The following ACBD6 variants were observed in gnomAD, a reference collection of about 807,000 sequenced individuals.
ACBD6 encodes the protein acyl-CoA-binding domain-containing protein 6.
A neutral mutation model predicts 37.2 loss-of-function variants in ACBD6; 28 were observed. The ratio of observed to expected loss-of-function variants is 0.75; its 90% CI spans 0.56 to 1.03. The LOEUF (loss-of-function observed/expected upper bound fraction) is 1.03. Among genes scored for constraint, ACBD6 ranks in the 50% least tolerant of loss-of-function variants. ACBD6 has a pLI of 0.00. For synonymous variants in ACBD6, 113 were observed against 126.8 expected (o/e 0.89, Z 0.73); for missense variants, 340 against 337.4 (o/e 1.01, Z -0.06).
exon 14 of ACBD6, chr1:180,270,879 CACCCCT>C: frequency 4.5e-5 from 9 of 199,654 alleles, no homozygotes; most frequent in South Asian, 1.5e-4. Flanking sequence ...TGTGCAAGCT[CACCCCT>C]GGCTGTGAGC....
intron 1 of ACBD6, among the ~76,000 whole-genome samples, chr1:180,500,380 C>G (rs1651912963): frequency 6.6e-6 from 1 of 152,104 alleles, no homozygotes. Context: ...CTAGACTCCT[C>G]AAGTACTTTA....
chr1:180,443,463 A>G (rs1236642455), intron 3 of ACBD6, among the ~76,000 whole-genome samples: 2 of 152,202 alleles, frequency 1.3e-5, no homozygotes, highest in Middle Eastern at 3.2e-3. Context: ...GGAACTGTCA[A>G]TATAGGATCA....
At position 180,372,447 on chromosome 1, in the gene ACBD6, C is replaced by T. The variant is rs1380834695; in HGVS notation, c.663+25069G>A. On this transcript the variant is annotated intron_variant, in intron 6 of 7. Transcript: ENST00000367595. Reference sequence around the variant, plus strand: ...ATTGTTACACCTAAAAGACTTAATGCTAATTCCATGAAATTAATGTTACAT... The same window carrying T: ...ATTGTTACACCTAAAAGACTTAATGTTAATTCCATGAAATTAATGTTACAT... Among the ~76,000 whole-genome samples, 4 of 152,054 alleles carry T rather than the reference C, an allele frequency of 2.6e-5. No individual in the cohort carries two copies. The South Asian group carries it at 6.2e-4, about 24-fold the overall frequency.
At chr1:180,453,473 T>C (rs1204490579) in intron 3 of ACBD6, among the ~76,000 whole-genome samples, 2 of 152,212 alleles carry the variant, frequency 1.3e-5, no homozygotes, top group African/African-American at 2.4e-5. Context: ...AGCATTCCCT[T>C]TGAAAACTGG....
intron 3 of ACBD6, among the ~76,000 whole-genome samples, chr1:180,447,594 G>T (rs1375801229): frequency 2.0e-5 from 3 of 151,982 alleles, no homozygotes; most frequent in Non-Finnish European, 4.4e-5. Flanking sequence ...TTTTAAAATG[G>T]CTATCATGGA....
intron 3 of ACBD6, among the ~76,000 whole-genome samples, chr1:180,448,952 G>T (rs1649586851): frequency 6.6e-6 from 1 of 152,102 alleles, no homozygotes; most frequent in Non-Finnish European, 1.5e-5. Context: ...ATTCTGTTAA[G>T]GAAGGAGGAC....
intron 3 of ACBD6, among the ~76,000 whole-genome samples, chr1:180,450,914 C>T (rs948261142): frequency 7.2e-5 from 11 of 152,170 alleles, no homozygotes; most frequent in Non-Finnish European, 7.4e-5. Context: ...TAAAAAGAAG[C>T]TTCTAACAAC....
chr1:180,372,473 G>A (rs74132478), intron 6 of ACBD6, among the ~76,000 whole-genome samples: 6,555 of 152,064 alleles, frequency 0.043, 450 homozygotes, highest in African/African-American at 0.14. Context: ...AATGTTACAT[G>A]GTCCTCTTAA....
intron 3 of ACBD6, among the ~76,000 whole-genome samples, chr1:180,480,721 G>A (rs1650998198): frequency 6.6e-6 from 1 of 152,130 alleles, no homozygotes; most frequent in African/African-American, 2.4e-5. Flanking sequence ...AAAAAAATCA[G>A]AAGATGTCAC....
chr1:180,437,971 C>A (rs1365946260), intron 3 of ACBD6, among the ~76,000 whole-genome samples: 1 of 152,144 alleles, frequency 6.6e-6, no homozygotes, highest in Admixed American at 6.5e-5. Context: ...CCCTGGGCTG[C>A]AGGCCAGTAG....
In ACBD6 at chr1:180,373,146, T is replaced by C. The variant is rs115000463; in HGVS notation, c.663+24370A>G. 3.6e-3 allele frequency among the ~76,000 whole-genome samples: 545 copies of C among 152,324 alleles called. 4 individuals are homozygous for C. Among genetic ancestry groups the C allele is most frequent in the South Asian group, 9.7e-3 (47 of 4,826 alleles). Reference sequence around the variant, plus strand: ...AATGTACAAGAAGTATTTTGAAATATTGCTCATCTAGAAACATCATTCAGA... The same window carrying C: ...AATGTACAAGAAGTATTTTGAAATACTGCTCATCTAGAAACATCATTCAGA... On this transcript the variant is annotated intron_variant, in intron 6 of 7. Transcript: ENST00000367595.
intron 4 of ACBD6, among the ~76,000 whole-genome samples, chr1:180,415,085 A>T (rs555218670): frequency 2.1e-5 from 3 of 140,740 alleles, no homozygotes; most frequent in African/African-American, 3.0e-5. Flanking sequence ...TCAAAAAAAT[A>T]AAAAAAACAA....
intron 6 of ACBD6, among the ~76,000 whole-genome samples, chr1:180,332,685 T>C (rs1276898112): frequency 1.3e-5 from 2 of 152,086 alleles, no homozygotes; most frequent in African/African-American, 4.8e-5. Flanking sequence ...TATAGTGAGT[T>C]GTATAATTAT....
At chr1:180,300,086 G>A (rs1043472406) in intron 7 of ACBD6, among the ~76,000 whole-genome samples, 2 of 152,140 alleles carry the variant, frequency 1.3e-5, no homozygotes, top group African/African-American at 4.8e-5. Context: ...GATGGAGTTT[G>A]ACAACTGCTA....
intron 4 of ACBD6, among the ~76,000 whole-genome samples, chr1:180,416,130 C>T (rs1316046198): frequency 6.6e-6 from 1 of 152,098 alleles, no homozygotes; most frequent in Admixed American, 6.6e-5. Flanking sequence ...TTAAATACAG[C>T]TATCCAATCC....
chr1:180,288,096 C>T (rs1649562353), downstream of ACBD6: 2 of 405,346 alleles, frequency 4.9e-6, no homozygotes, highest in South Asian at 5.4e-5. Context: ...CTTCTGCCCA[C>T]CCTCTAAAGC....
chr1:180,372,880 T>C (rs532239879), intron 6 of ACBD6, among the ~76,000 whole-genome samples: 8 of 152,210 alleles, frequency 5.3e-5, no homozygotes, highest in Non-Finnish European at 8.8e-5. Context: ...TCTGTCACTA[T>C]AAGCTACTTG....
chr1:180,374,768 CTT>C (rs769127713), intron 6 of ACBD6, among the ~76,000 whole-genome samples: 11 of 152,168 alleles, frequency 7.2e-5, no homozygotes, highest in South Asian at 4.1e-4. Context: ...TAGACAATGA[CTT>C]AACATCATAT....
intron 3 of ACBD6, among the ~76,000 whole-genome samples, chr1:180,477,247 C>T (rs902083495): frequency 6.6e-5 from 10 of 152,166 alleles, no homozygotes; most frequent in Non-Finnish European, 1.2e-4. Context: ...CCACCGTTGA[C>T]CTCAGGTGAC....
Sources: allele counts gnomAD v4.1 joint callset (sites outside exome capture counted in the v4.1 genomes callset), GRCh38; gene constraint gnomAD v4.1.1; transcripts MANE v1.5; gene names NCBI Gene and HGNC (gene_info 2026-07-23, HGNC 2026-07-21).